Variants in EPS15 observed in about 807,000 individuals in gnomAD.
The protein encoded by EPS15 is epidermal growth factor receptor substrate 15.
EPS15 carries 72 observed loss-of-function variants against 113.8 expected under a neutral mutation model. The observed-to-expected ratio is 0.63, with a 90% CI of 0.52 to 0.77. The LOEUF is 0.77. EPS15 is among the 30% of genes least tolerant of loss of function. EPS15 has a pLI of 0.00. For missense variants in EPS15, 1,048 were observed against 1,045.8 expected (o/e 1.00, Z -0.03); for synonymous variants, 344 against 363.4 (o/e 0.95, Z 0.61).
At chr1:51,517,851 T>G (rs1430056719) in intron 1 of EPS15, among the ~76,000 whole-genome samples, 2 of 152,222 alleles carry the variant, frequency 1.3e-5, no homozygotes. Context: ...ATGAAGCATG[T>G]ACGTGACTCC....
At chr1:51,429,459 T>C (rs1247082310) in intron 12 of EPS15, among the ~76,000 whole-genome samples, 1 of 151,992 alleles carries the variant, frequency 6.6e-6, no homozygotes, top group Non-Finnish European at 1.5e-5. Context: ...TTTTATGTTA[T>C]GTATATTTTA....
At chr1:51,415,799 A>C (rs1408736623) in intron 13 of EPS15, among the ~76,000 whole-genome samples, 1 of 36,374 alleles carries the variant, frequency 2.7e-5, no homozygotes, top group African/African-American at 1.8e-4. Context: ...TCCGTCTCAA[A>C]AAAAAAAAAA....
chr1:51,401,636 A>C (rs1416638883), intron 18 of EPS15, among the ~76,000 whole-genome samples: 1 of 152,258 alleles, frequency 6.6e-6, no homozygotes, highest in Admixed American at 6.5e-5. Flanking sequence ...AAAATTGAAT[A>C]AACACTTTTC....
intron 12 of EPS15, among the ~76,000 whole-genome samples, chr1:51,430,979 C>CACAT (rs1553125573): frequency 1.6e-4 from 2 of 12,766 alleles, no homozygotes; most frequent in Non-Finnish European, 3.4e-4. Flanking sequence ...TACTTACATA[C>CACAT]ACACACACAC....
In EPS15 at chr1:51,470,006, C is replaced by T. The variant is rs145591201; in HGVS notation, c.214-1438G>A. 2.2e-4 allele frequency among the ~76,000 whole-genome samples: 34 copies of T among 152,294 alleles called. 1 individual carries two copies. The East Asian group carries it at 6.6e-3, about 29-fold the overall frequency. The stretch of plus-strand genomic sequence containing the variant: ...CCTTTTAGGTCTCTTCTGTTGGAGT[C>T]AATGTCTTCCCTAACTGCTAGTATT... On this transcript the variant is annotated intron_variant, in intron 4 of 24. Transcript: ENST00000371733.
intron 1 of EPS15, among the ~76,000 whole-genome samples, chr1:51,510,326 T>C (rs978422015): frequency 6.6e-6 from 1 of 152,336 alleles, no homozygotes; most frequent in Non-Finnish European, 1.5e-5. Context: ...GGAAGCAGCA[T>C]AGCAAATGTA....
At chr1:51,431,699 G>C (rs767617652) in intron 12 of EPS15, among the ~76,000 whole-genome samples, 1 of 151,952 alleles carries the variant, frequency 6.6e-6, no homozygotes, top group Non-Finnish European at 1.5e-5. Context: ...CTCCCACCTC[G>C]GCCTCCCAAA....
chr1:51,448,107 T>C lies in EPS15; in HGVS notation c.590A>G (p.Glu197Gly). 6.2e-7 allele frequency: 1 copy of C among 1,613,554 alleles called. No homozygotes were observed. Among genetic ancestry groups the C allele is most frequent in the Non-Finnish European group, 8.5e-7 (1 of 1,179,542 alleles). Reference protein sequence around the residue: ...VAMFLVYCALEKEPVPMSLPP... With the variant: ...VAMFLVYCALGKEPVPMSLPP... The stretch of plus-strand genomic sequence containing the variant: ...CAAGGACATTGGCACAGGTTCTTTC[T>C]CCAGTGCACAGTATACCAAAAACAT... The change falls in exon 9 of 25, where the codon GAG (glutamate) becomes GGG (glycine). Residue 197 changes from glutamate to glycine, a missense_variant. Physicochemically the swap from Glu to Gly is moderately conservative, Grantham distance 98. Coordinates refer to ENST00000371733, the MANE Select transcript of EPS15 (RefSeq NM_001981.3).
In EPS15 at chr1:51,421,495, T is replaced by C. The variant is rs112788217; in HGVS notation, c.1113+291A>G. Among the ~76,000 whole-genome samples the C allele has an allele frequency of 7.1e-3, 1,075 of 152,202 alleles. 7 individuals are homozygous for C. Among genetic ancestry groups the C allele is most frequent in the African/African-American group, 0.025 (1,032 of 41,534 alleles). On this transcript the variant is annotated intron_variant, in intron 13 of 24. Coordinates refer to ENST00000371733, the MANE Select transcript of EPS15 (RefSeq NM_001981.3). ...GCAAAAATATTAACATTGTAAGTCATGCAAACTTACCCCTTTAATGATATA... is the reference window on the plus strand; with the variant it reads ...GCAAAAATATTAACATTGTAAGTCACGCAAACTTACCCCTTTAATGATATA...
intron 2 of EPS15, among the ~76,000 whole-genome samples, chr1:51,475,380 G>A (rs994042058): frequency 2.6e-5 from 4 of 152,286 alleles, no homozygotes; most frequent in African/African-American, 7.2e-5. Flanking sequence ...TCTAACTGGT[G>A]TGAGATGGTA....
chr1:51,493,266 CAGG>C (rs1227440727), intron 1 of EPS15, among the ~76,000 whole-genome samples: 1 of 151,824 alleles, frequency 6.6e-6, no homozygotes, highest in Non-Finnish European at 1.5e-5. Flanking sequence ...GAGGCTGAGG[CAGG>C]AGAATGGCGT....
intron 1 of EPS15, among the ~76,000 whole-genome samples, chr1:51,500,186 T>C (rs1644387695): frequency 6.6e-6 from 1 of 152,238 alleles, no homozygotes; most frequent in Non-Finnish European, 1.5e-5. Context: ...TGTTTACTCA[T>C]TCATCTGTCA....
intron 5 of EPS15, among the ~76,000 whole-genome samples, chr1:51,468,110 C>T (rs1000491152): frequency 6.6e-6 from 1 of 151,958 alleles, no homozygotes; most frequent in Non-Finnish European, 1.5e-5. Flanking sequence ...ACGTGCACAC[C>T]AACACACTCG....
chr1:51,508,041 G>A (rs1644528504), intron 1 of EPS15, among the ~76,000 whole-genome samples: 1 of 151,880 alleles, frequency 6.6e-6, no homozygotes, highest in African/African-American at 2.4e-5. Context: ...AATTGGCTGG[G>A]CATGGTGGTG....
chr1:51,402,284 T>C (rs529238919), intron 18 of EPS15, 151 bp downstream of exon 18: 3 of 460,222 alleles, frequency 6.5e-6, no homozygotes, highest in African/African-American at 2.0e-5. Context: ...GAGGCGGAGG[T>C]TGCAGTGAGC....
chr1:51,364,139 T>C (rs1646453468), intron 22 of EPS15, 111 bp from the exon 23 acceptor site: 2 of 835,164 alleles, frequency 2.4e-6, no homozygotes, highest in Admixed American at 3.8e-5. Flanking sequence ...ATTTTAATTC[T>C]GAGAACACTG....
In EPS15 at chr1:51,365,746, C is replaced by T. The variant is rs375285189; in HGVS notation, c.2196+207G>A. 1.1e-4 allele frequency among the ~76,000 whole-genome samples: 16 copies of T among 152,284 alleles called. 1 individual carries two copies. The highest frequency in any genetic ancestry group is 3.6e-4 in the African/African-American group (15 of 41,548). ...CATGCCAACAGAAAATTATAATTACCTCTACCATCAATACAGTCTAGTTAT... is the reference window on the plus strand; with the variant it reads ...CATGCCAACAGAAAATTATAATTACTTCTACCATCAATACAGTCTAGTTAT... On this transcript the variant is annotated intron_variant, in intron 22 of 24. Transcript: ENST00000371733.
chr1:51,444,485 C>T (rs1267331525), intron 11 of EPS15, among the ~76,000 whole-genome samples: 3 of 152,136 alleles, frequency 2.0e-5, no homozygotes, highest in Non-Finnish European at 2.9e-5. Context: ...CACCAAGCAA[C>T]CATCATATGC....
chr1:51,495,694 ACCTCT>A (rs950717156), intron 1 of EPS15, among the ~76,000 whole-genome samples: 18 of 151,940 alleles, frequency 1.2e-4, no homozygotes, highest in Non-Finnish European at 5.9e-5. Context: ...CAAAAAAAAA[ACCTCT>A]CCTTAATTAT....
Sources: allele counts gnomAD v4.1 joint callset (sites outside exome capture counted in the v4.1 genomes callset), GRCh38; gene constraint gnomAD v4.1.1; transcripts MANE v1.5; gene names NCBI Gene and HGNC (gene_info 2026-07-23, HGNC 2026-07-21).